Variants in RERE observed in about 807,000 individuals in gnomAD.
RERE encodes the protein arginine-glutamic acid dipeptide repeats.
A neutral mutation model predicts 146.1 loss-of-function variants in RERE; 40 were observed. The observed-to-expected ratio is 0.27, with a 90% CI of 0.21 to 0.36. The LOEUF (loss-of-function observed/expected upper bound fraction) is 0.36. RERE is among the 10% of genes least tolerant of loss of function. RERE has a pLI of 1.00. For synonymous variants in RERE, 1,003 were observed against 866.0 expected (o/e 1.16, Z -2.78); for missense variants, 1,933 against 2,138.7 (o/e 0.90, Z 1.90).
chr1:8,480,142 TG>T (rs1273210286), intron 10 of RERE, among the ~76,000 whole-genome samples: 1,379 of 42,810 alleles, frequency 0.032, 6 homozygotes, highest in African/African-American at 0.056. Context: ...TTTTTTTTTT[TG>T]TTTTTTTTTT....
At chr1:8,645,238 C>T (rs1448711889) in intron 2 of RERE, among the ~76,000 whole-genome samples, 1 of 152,178 alleles carries the variant, frequency 6.6e-6, no homozygotes, top group Non-Finnish European at 1.5e-5. Context: ...TGCAATCAGG[C>T]ACTTTAGAAG....
intron 17 of RERE, 133 bp from the exon 18 acceptor site, chr1:8,361,623 G>T: frequency 7.3e-7 from 1 of 1,370,968 alleles, no homozygotes; most frequent in Non-Finnish European, 1.0e-6. Context: ...CACAGGTCGT[G>T]CCCTGACCCA....
chr1:8,804,023 G>T (rs560004133), intron 1 of RERE, among the ~76,000 whole-genome samples: 2 of 152,104 alleles, frequency 1.3e-5, no homozygotes, highest in Non-Finnish European at 1.5e-5. Context: ...TAATATTAAT[G>T]AAAACTTTTC....
intron 10 of RERE, among the ~76,000 whole-genome samples, chr1:8,488,514 G>A (rs1187885275): frequency 2.0e-5 from 3 of 151,850 alleles, no homozygotes; most frequent in Non-Finnish European, 3.0e-5. Context: ...CCAAAGTGCT[G>A]GGATTATAGG....
At chr1:8,663,817 A>G (rs1051848629) in intron 1 of RERE, among the ~76,000 whole-genome samples, 1 of 151,838 alleles carries the variant, frequency 6.6e-6, no homozygotes, top group Non-Finnish European at 1.5e-5. Flanking sequence ...CCCCTCCTGC[A>G]TGCTCCTCCT....
chr1:8,768,886 T>TA (rs139161959), intron 1 of RERE, among the ~76,000 whole-genome samples: 2 of 152,286 alleles, frequency 1.3e-5, no homozygotes, highest in African/African-American at 4.8e-5. Context: ...ACCGTGTACT[T>TA]AGAGAAGGAG....
At chr1:8,561,937 A>T (rs1033136728) in intron 4 of RERE, among the ~76,000 whole-genome samples, 5 of 152,248 alleles carry the variant, frequency 3.3e-5, no homozygotes, top group Non-Finnish European at 7.3e-5. Context: ...AAACTGTCTA[A>T]GTTTGAATCC....
chr1:8,373,390 G>A (rs1378135475), intron 12 of RERE, among the ~76,000 whole-genome samples: 1 of 152,106 alleles, frequency 6.6e-6, no homozygotes, highest in African/African-American at 2.4e-5. Flanking sequence ...TCCACGTAAA[G>A]GGGATGAAGA....
intron 4 of RERE, among the ~76,000 whole-genome samples, chr1:8,580,646 A>T (rs1381802279): frequency 6.6e-6 from 1 of 152,184 alleles, no homozygotes; most frequent in Non-Finnish European, 1.5e-5. Flanking sequence ...ATCACTCCAG[A>T]AAGTTCTCTC....
chr1:8,426,731 C>T (rs1011020542), intron 11 of RERE, among the ~76,000 whole-genome samples: 1 of 152,170 alleles, frequency 6.6e-6, no homozygotes, highest in African/African-American at 2.4e-5. Flanking sequence ...CCTCCAGGAT[C>T]CTGGCCCTGC....
At position 8,360,707 on chromosome 1, in the gene RERE, T is replaced by G. The variant is rs1168686058; in HGVS notation, c.2800A>C (p.Thr934Pro). 94 of 1,487,218 alleles carry G rather than the reference T, an allele frequency of 6.3e-5. No homozygotes were observed. The highest frequency in any genetic ancestry group is 2.2e-4 in the African/African-American group (13 of 59,528). The allele number at this position is 1,487,218 out of a possible 1,614,324, so 92.1% of individuals were successfully genotyped here. ...GGCGCCGGCAGCTGGGGGATGGGAG[T>G]GGTAGGCGGGGGCTTGATGTGGGGC... ...AMPHIKPPPT[T>P]PIPQLPAPQA... The change falls in exon 18 of 23, where the codon ACT becomes CCT. Residue 934 changes from threonine (T) to proline (P), a missense_variant. Thr to Pro is a conservative substitution (Grantham distance 38, BLOSUM62 -1). Coordinates refer to ENST00000400908, the MANE Select transcript of RERE (RefSeq NM_001042681.2).
rs1004866879 is a variant in RERE, at chr1:8,354,918, C to G, written c.*169G>C. 8.0e-6 allele frequency: 5 copies of G among 624,112 alleles called. No individual in the cohort carries two copies. The highest frequency in any genetic ancestry group is 1.9e-5 in the African/African-American group (1 of 53,806). 38.7% of individuals were successfully genotyped at this position (624,112 alleles called of 1,614,324 possible). ...AACCAGTCTCAGGAAATCCTCTCGA[C>G]AAACGAACACTACTATGTGGATACA... On this transcript the variant is annotated 3_prime_UTR_variant, in exon 23 of 23. Coordinates refer to ENST00000400908, the MANE Select transcript of RERE (RefSeq NM_001042681.2).
chr1:8,385,643 G>A (rs913067631), intron 12 of RERE, among the ~76,000 whole-genome samples: 2 of 151,896 alleles, frequency 1.3e-5, no homozygotes, highest in African/African-American at 2.4e-5. Flanking sequence ...GCCTCAGAAC[G>A]CCTGACCAGC....
intron 1 of RERE, among the ~76,000 whole-genome samples, chr1:8,721,666 A>G (rs923063270): frequency 2.0e-5 from 3 of 152,142 alleles, no homozygotes; most frequent in Admixed American, 6.5e-5. Context: ...ACCAGGACCA[A>G]TGGGATTTGG....
chr1:8,481,517 CTTA>C (rs1438883549), intron 10 of RERE, among the ~76,000 whole-genome samples: 2 of 152,078 alleles, frequency 1.3e-5, no homozygotes, highest in Admixed American at 6.6e-5. Flanking sequence ...AATAAGTGTG[CTTA>C]TTAATTTTTA....
chr1:8,479,079 T>G (rs1039378379), intron 10 of RERE, among the ~76,000 whole-genome samples: 2 of 152,020 alleles, frequency 1.3e-5, no homozygotes, highest in Non-Finnish European at 2.9e-5. Context: ...TATCAGAAAC[T>G]CCACACTTTA....
At chr1:8,805,913 G>A (rs1216041867) in intron 1 of RERE, 1 of 141,818 alleles carries the variant, frequency 7.1e-6, no homozygotes, top group Non-Finnish European at 1.5e-5. Flanking sequence ...GTGCAATGGC[G>A]CGATTTCAGC....
At chr1:8,521,176 C>CAAAAAAAAAAA (rs36115526) in intron 7 of RERE, among the ~76,000 whole-genome samples, 20 of 109,894 alleles carry the variant, frequency 1.8e-4, no homozygotes, top group African/African-American at 3.5e-4. Context: ...TTCTTTTTTT[C>CAAAAAAAAAAA]AAAAAAAAAA....
chr1:8,616,998 G>A (rs1646860186), intron 3 of RERE, among the ~76,000 whole-genome samples: 2 of 152,118 alleles, frequency 1.3e-5, no homozygotes, highest in African/African-American at 4.8e-5. Flanking sequence ...GTGGCGGGAG[G>A]GGAGTATAGA....
Sources: gnomAD v4.1 joint callset for allele counts (sites outside exome capture counted in the v4.1 genomes callset) on GRCh38, gnomAD v4.1.1 for gene constraint, MANE v1.5 for transcripts, NCBI Gene and HGNC (gene_info 2026-07-23, HGNC 2026-07-21) for gene names.